GAS7: variants seen among roughly 807,000 people sequenced by gnomAD.
GAS7 encodes growth arrest specific 7.
GAS7 carries 28 observed loss-of-function variants against 71.1 expected under a neutral mutation model. The observed-to-expected ratio is 0.39, with a 90% CI of 0.29 to 0.54. The LOEUF (loss-of-function observed/expected upper bound fraction) is 0.54. GAS7 is among the 20% of genes least tolerant of loss of function. GAS7 has a pLI of 0.62. For synonymous variants in GAS7, 258 were observed against 245.8 expected, an observed-to-expected ratio of 1.05 and a Z score of -0.46; for missense variants, 436 against 627.8, an observed-to-expected ratio of 0.69 and a Z score of 3.27.
chr17:10,176,848 G>A (rs745745418), intron 1 of GAS7, among the ~76,000 whole-genome samples: 10 of 152,064 alleles, frequency 6.6e-5, no homozygotes, highest in Non-Finnish European at 1.0e-4. Context: ...AACCTTGGCC[G>A]TCCGTGACCC....
intron 1 of GAS7, among the ~76,000 whole-genome samples, chr17:10,065,404 A>G (rs2073271565): frequency 6.6e-6 from 1 of 152,184 alleles, no homozygotes; most frequent in African/African-American, 2.4e-5. Context: ...CTGAGCTGAA[A>G]TCAAGGTATT....
At chr17:10,170,607 T>A (rs889322865) in intron 1 of GAS7, among the ~76,000 whole-genome samples, 1 of 152,214 alleles carries the variant, frequency 6.6e-6, no homozygotes, top group East Asian at 1.9e-4. Context: ...TAGATCACCA[T>A]GCAGTTTGCT....
chr17:10,062,464 G>A (rs1005821733), intron 1 of GAS7, among the ~76,000 whole-genome samples: 2 of 152,096 alleles, frequency 1.3e-5, no homozygotes, highest in Non-Finnish European at 2.9e-5. Flanking sequence ...CAGCCCAGGC[G>A]ACAGAGTGAG....
intron 1 of GAS7, among the ~76,000 whole-genome samples, chr17:10,137,534 A>C (rs961944142): frequency 3.4e-4 from 35 of 103,256 alleles, no homozygotes; most frequent in Non-Finnish European, 5.2e-4. Flanking sequence ...AGCACAGTGA[A>C]GTTTTCTCTT....
chr17:9,925,709 G>C, intron 10 of GAS7, 110 bp from the exon 11 acceptor site: 1 of 1,217,546 alleles, frequency 8.2e-7, no homozygotes, highest in Non-Finnish European at 1.2e-6. Flanking sequence ...TGTTTGTGTG[G>C]ATGATGCCAC....
At chr17:10,006,516 A>C (rs1431362752) in intron 2 of GAS7, among the ~76,000 whole-genome samples, 2 of 150,950 alleles carry the variant, frequency 1.3e-5, no homozygotes, top group Non-Finnish European at 3.0e-5. Flanking sequence ...TTTTTAGTAG[A>C]GATGGGGTTT....
At chr17:10,146,759 C>T (rs911529704) in intron 1 of GAS7, among the ~76,000 whole-genome samples, 29 of 152,034 alleles carry the variant, frequency 1.9e-4, no homozygotes, top group Non-Finnish European at 2.6e-4. Flanking sequence ...CCGAGGCGGG[C>T]GGATCACGAG....
intron 2 of GAS7, among the ~76,000 whole-genome samples, chr17:10,013,054 G>T (rs554849220): frequency 3.4e-4 from 50 of 148,316 alleles, no homozygotes; most frequent in African/African-American, 1.2e-3. Flanking sequence ...AGTGAGCCGA[G>T]ATCGTGCCAC....
intron 1 of GAS7, among the ~76,000 whole-genome samples, chr17:10,178,048 T>G (rs1406848406): frequency 1.3e-5 from 2 of 151,906 alleles, no homozygotes; most frequent in Non-Finnish European, 2.9e-5. Context: ...GTTTTCAAAC[T>G]GGGTCCTACA....
chr17:10,113,440 A>G (rs1040324825), intron 1 of GAS7, among the ~76,000 whole-genome samples: 2 of 152,212 alleles, frequency 1.3e-5, no homozygotes, highest in African/African-American at 4.8e-5. Context: ...AGCAACCTTT[A>G]TGCCCATTGG....
intron 1 of GAS7, among the ~76,000 whole-genome samples, chr17:10,164,546 C>T (rs1258182629): frequency 6.6e-6 from 1 of 151,608 alleles, no homozygotes; most frequent in African/African-American, 2.4e-5. Context: ...ACCTATAGTC[C>T]AAGCTACTAG....
chr17:9,974,603 G>C lies in GAS7; in HGVS notation c.386-4841C>G, dbSNP rs2070111681. On this transcript the variant is annotated intron_variant, in intron 3 of 13. Coordinates refer to ENST00000432992, the MANE Select transcript of GAS7 (RefSeq NM_201433.2). The surrounding 1 kb of genome is among the most constrained non-coding windows in gnomAD (Gnocchi z 4.0). ...CTCTATCTAGTTAGTAACCTTAGCAGCTTCAAATATAAATAATACACACAG... is the reference window on the plus strand; with the variant it reads ...CTCTATCTAGTTAGTAACCTTAGCACCTTCAAATATAAATAATACACACAG... Among the ~76,000 whole-genome samples the C allele has an allele frequency of 6.6e-6, 1 of 152,022 alleles. No individual in the cohort carries two copies. Among genetic ancestry groups the C allele is most frequent in the South Asian group, 2.1e-4 (1 of 4,834 alleles).
intron 1 of GAS7, among the ~76,000 whole-genome samples, chr17:10,047,200 T>A (rs2072989090): frequency 6.6e-6 from 1 of 152,182 alleles, no homozygotes; most frequent in South Asian, 2.1e-4. Flanking sequence ...AAGGTACAGA[T>A]GCTACAGGCC....
Position 10,103,848 on chromosome 17 carries a change from A to G in GAS7, c.184-83951T>C, listed in dbSNP as rs1229561402. On this transcript the variant is annotated intron_variant, in intron 1 of 13. Transcript: ENST00000432992. The surrounding 1 kb of genome is among the most constrained non-coding windows in gnomAD (Gnocchi z 5.5). Reference sequence around the variant, plus strand: ...CTCAAAAAATCTCAAAAAAAAAAAAAAAGAAGCAAACCCATAGAACCCATA... The same window carrying G: ...CTCAAAAAATCTCAAAAAAAAAAAAGAAGAAGCAAACCCATAGAACCCATA... Among the ~76,000 whole-genome samples the G allele has an allele frequency of 2.0e-5, 3 of 151,708 alleles. No homozygotes were observed. The highest frequency in any genetic ancestry group is 4.4e-5 in the Non-Finnish European group (3 of 67,862).
intron 1 of GAS7, among the ~76,000 whole-genome samples, chr17:10,053,362 G>A (rs1474424932): frequency 6.6e-6 from 1 of 152,174 alleles, no homozygotes; most frequent in Non-Finnish European, 1.5e-5. Context: ...AGCTGAAGGA[G>A]GCCAAGTGAT....
chr17:9,963,733 CTCT>C (rs2069594601), intron 4 of GAS7, among the ~76,000 whole-genome samples: 1 of 152,056 alleles, frequency 6.6e-6, no homozygotes, highest in South Asian at 2.1e-4. Context: ...CCCCATCTCT[CTCT>C]TTTTTCTTTC....
chr17:10,146,016 G>T (rs1056831299), intron 1 of GAS7, among the ~76,000 whole-genome samples: 3 of 152,142 alleles, frequency 2.0e-5, no homozygotes, highest in Admixed American at 2.0e-4. Flanking sequence ...CAGGTCCTGC[G>T]CTGATGGACC....
intron 1 of GAS7, among the ~76,000 whole-genome samples, chr17:10,174,510 G>A (rs944586919): frequency 1.3e-5 from 2 of 151,710 alleles, no homozygotes; most frequent in Non-Finnish European, 2.9e-5. Flanking sequence ...GGCTAACATG[G>A]TGAAACCCCG....
chr17:9,967,139 C>T (rs533950994), intron 4 of GAS7, among the ~76,000 whole-genome samples: 47 of 151,752 alleles, frequency 3.1e-4, no homozygotes, highest in African/African-American at 8.9e-4. Context: ...GCTCGCCTCT[C>T]CTGAATTCCC....
Sources: allele counts gnomAD v4.1 joint callset (sites outside exome capture counted in the v4.1 genomes callset), GRCh38; gene constraint gnomAD v4.1.1; non-coding constraint Gnocchi (gnomAD v3.1); transcripts MANE v1.5; gene names NCBI Gene and HGNC (gene_info 2026-07-23, HGNC 2026-07-21).